Variants in GSTA4 observed in about 807,000 individuals in gnomAD.
GSTA4 encodes the protein glutathione S-transferase A4.
Under a neutral mutation model 24.4 loss-of-function variants are expected in GSTA4, and 15 were observed. The observed-to-expected ratio is 0.61, with a 90% CI of 0.41 to 0.95. The LOEUF is 0.95. Ranked by LOEUF, GSTA4 falls within the 40% of genes least tolerant of loss-of-function variation. The probability of loss-of-function intolerance (pLI) is 0.00; values close to 1 mark genes in which losing one functional copy is unlikely to be tolerated. For synonymous variants in GSTA4, 92 were observed against 94.2 expected (o/e 0.98, Z 0.13); for missense variants, 244 against 262.1 (o/e 0.93, Z 0.48).
intron 6 of GSTA4, among the ~76,000 whole-genome samples, chr6:52,981,746 C>T (rs933233364): frequency 6.6e-6 from 1 of 152,206 alleles, no homozygotes; most frequent in Non-Finnish European, 1.5e-5. Flanking sequence ...GCATCCACTG[C>T]CTAAGCCAGC....
chr6:52,986,505 T>G (rs1763560578), intron 3 of GSTA4, among the ~76,000 whole-genome samples: 1 of 152,206 alleles, frequency 6.6e-6, no homozygotes, highest in South Asian at 2.1e-4. Context: ...ACTACCAAGT[T>G]TGCTGTCACT....
At position 52,987,386 on chromosome 6, in the gene GSTA4, G is replaced by T; in HGVS notation, c.110C>A (p.Thr37Lys). ...GVEFDEEFLETKEQLYKLQDG... is the reference protein window; with the variant it reads ...GVEFDEEFLEKKEQLYKLQDG... ...CTGCAACTTGTACAACTGTTCTTTT[G>T]TTTCCAGAAATTCTTCATCAAACTA... The change falls in exon 3 of 7, where the codon ACA becomes AAA. Residue 37 changes from threonine (T) to lysine (K), a missense_variant. Physicochemically the swap from Thr to Lys is moderately conservative, Grantham distance 78 (BLOSUM62 -1). Transcript: ENST00000370963. The T allele has an allele frequency of 6.3e-7, 1 of 1,585,864 alleles. No homozygotes were observed.
intron 2 of GSTA4, among the ~76,000 whole-genome samples, chr6:52,988,283 TAAA>T (rs5876296): frequency 2.0e-5 from 3 of 146,756 alleles, no homozygotes; most frequent in Non-Finnish European, 1.5e-5. Context: ...ATGATGATGC[TAAA>T]AAAAAAAAAA....
chr6:52,986,704 C>A (rs1763567963), intron 3 of GSTA4, among the ~76,000 whole-genome samples: 1 of 152,176 alleles, frequency 6.6e-6, no homozygotes, highest in African/African-American at 2.4e-5. Context: ...CACCGTCACA[C>A]ACAAAAGGTG....
intron 2 of GSTA4, among the ~76,000 whole-genome samples, chr6:52,993,086 G>C (rs149729407): frequency 0.016 from 2,467 of 152,030 alleles, 41 homozygotes; most frequent in East Asian, 0.056. Flanking sequence ...CTGGGCTACA[G>C]AGCCAGCCTC....
intron 2 of GSTA4, 171 bp downstream of exon 2, chr6:52,993,986 C>T (rs1216104209): frequency 5.7e-6 from 4 of 696,324 alleles, no homozygotes; most frequent in Non-Finnish European, 1.1e-5. Context: ...CCATCAACTA[C>T]GTTCTAATTA....
chr6:52,980,424 C>A (rs1763430464), intron 6 of GSTA4, among the ~76,000 whole-genome samples: 1 of 151,990 alleles, frequency 6.6e-6, no homozygotes, highest in Non-Finnish European at 1.5e-5. Context: ...CCTGCCTCAG[C>A]CTCCGAGTAG....
chr6:52,991,993 G>A (rs1179199653), intron 2 of GSTA4, among the ~76,000 whole-genome samples: 1 of 152,120 alleles, frequency 6.6e-6, no homozygotes, highest in African/African-American at 2.4e-5. Context: ...CTGACCTCAT[G>A]ATTTGCCCAC....
chr6:52,987,272 A>G, intron 3 of GSTA4, 85 bp downstream of exon 3: 1 of 824,598 alleles, frequency 1.2e-6, no homozygotes, highest in East Asian at 2.5e-5. Context: ...GTTCAGTGTC[A>G]TTGAATACTT....
intron 3 of GSTA4, 49 bp downstream of exon 3, chr6:52,987,308 C>A: frequency 8.5e-7 from 1 of 1,172,558 alleles, no homozygotes; most frequent in South Asian, 1.3e-5. Flanking sequence ...AACAGCAGCT[C>A]TTAAAGGAAA....
intron 6 of GSTA4, 80 bp downstream of exon 6, chr6:52,982,494 C>T: frequency 8.8e-6 from 9 of 1,018,118 alleles, no homozygotes; most frequent in African/African-American, 1.6e-5. Flanking sequence ...ACACACACTC[C>T]CCAAAGCCAA....
chr6:52,982,898 A>AGC (rs756614855), intron 5 of GSTA4, among the ~76,000 whole-genome samples, 193 bp from the exon 6 acceptor site: 92 of 149,846 alleles, frequency 6.1e-4, no homozygotes, highest in African/African-American at 2.0e-3. Context: ...AGAGAGAGAG[A>AGC]GAGAGCGAGA....
chr6:52,983,741 C>T (rs1763497539), intron 5 of GSTA4, among the ~76,000 whole-genome samples: 1 of 152,196 alleles, frequency 6.6e-6, no homozygotes, highest in South Asian at 2.1e-4. Flanking sequence ...GACCACATTT[C>T]TTCATTATCC....
At chr6:52,990,400 G>A (rs934878291) in intron 2 of GSTA4, among the ~76,000 whole-genome samples, 16 of 152,158 alleles carry the variant, frequency 1.1e-4, no homozygotes, top group African/African-American at 3.4e-4. Context: ...AACTTAGCTG[G>A]CAAAGAGACG....
chr6:52,993,933 C>T (rs1763711374), intron 2 of GSTA4: 1 of 638,350 alleles, frequency 1.6e-6, no homozygotes, highest in Non-Finnish European at 2.9e-6. Context: ...GGTGCTAGAT[C>T]AGAAGCCAAT....
At chr6:52,989,862 A>AT (rs1763631623) in intron 2 of GSTA4, among the ~76,000 whole-genome samples, 1 of 152,056 alleles carries the variant, frequency 6.6e-6, no homozygotes, top group African/African-American at 2.4e-5. Flanking sequence ...TTATTTATTT[A>AT]TTTTTTCTTA....
chr6:52,993,497 A>G (rs1256101503), intron 2 of GSTA4, among the ~76,000 whole-genome samples: 2 of 152,214 alleles, frequency 1.3e-5, no homozygotes, highest in Admixed American at 1.3e-4. Flanking sequence ...TGTGATAATA[A>G]TATTGTTACA....
chr6:52,992,149 CAG>C (rs909462326), intron 2 of GSTA4, among the ~76,000 whole-genome samples: 1 of 151,950 alleles, frequency 6.6e-6, no homozygotes. Context: ...TTTATACTGT[CAG>C]AAAGTGCTGA....
At chr6:52,983,950 A>T (rs1423009280) in intron 5 of GSTA4, among the ~76,000 whole-genome samples, 3 of 152,186 alleles carry the variant, frequency 2.0e-5, no homozygotes, top group Non-Finnish European at 4.4e-5. Context: ...CTCCCAGTTC[A>T]GGAATAAAGA....
Sources: allele counts gnomAD v4.1 joint callset (sites outside exome capture counted in the v4.1 genomes callset), GRCh38; gene constraint gnomAD v4.1.1; transcripts MANE v1.5; gene names NCBI Gene and HGNC (gene_info 2026-07-23, HGNC 2026-07-21).